Variants in CACNA2D3 observed in about 807,000 individuals in gnomAD.
CACNA2D3 encodes the protein calcium voltage-gated channel auxiliary subunit alpha2delta 3.
A neutral mutation model predicts 160.6 loss-of-function variants in CACNA2D3; 60 were observed. That is an observed-to-expected ratio of 0.37 (90% CI 0.30 to 0.46). The LOEUF (loss-of-function observed/expected upper bound fraction) is 0.46. Among genes scored for constraint, CACNA2D3 ranks in the 20% least tolerant of loss-of-function variants. The pLI is 1.00. For missense variants in CACNA2D3, 1,205 were observed against 1,365.0 expected (o/e 0.88, Z 1.85); for synonymous variants, 558 against 492.9 (o/e 1.13, Z -1.75).
intron 27 of CACNA2D3, among the ~76,000 whole-genome samples, chr3:54,904,002 T>C (rs1161508194): frequency 6.6e-6 from 1 of 152,214 alleles, no homozygotes; most frequent in African/African-American, 2.4e-5. Context: ...TCCCACAGAA[T>C]GGGTAATTTA....
chr3:54,604,840 T>C (rs1464605413), intron 9 of CACNA2D3, among the ~76,000 whole-genome samples: 2 of 152,142 alleles, frequency 1.3e-5, no homozygotes, highest in African/African-American at 4.8e-5. Flanking sequence ...TCAGATCACA[T>C]CCCTTCTGTA....
At chr3:54,664,448 C>T (rs1470798274) in intron 11 of CACNA2D3, among the ~76,000 whole-genome samples, 2 of 152,232 alleles carry the variant, frequency 1.3e-5, no homozygotes, top group South Asian at 4.1e-4. Flanking sequence ...TTGGCAGCTA[C>T]ACAGCAGCTG....
At chr3:54,772,378 T>C (rs1452911880) in intron 13 of CACNA2D3, among the ~76,000 whole-genome samples, 1 of 152,118 alleles carries the variant, frequency 6.6e-6, no homozygotes, top group Non-Finnish European at 1.5e-5. Flanking sequence ...CTATTAATTA[T>C]ACATTGATCC....
At chr3:54,900,298 C>A (rs1380046406) in intron 27 of CACNA2D3, among the ~76,000 whole-genome samples, 1 of 152,152 alleles carries the variant, frequency 6.6e-6, no homozygotes, top group Admixed American at 6.5e-5. Flanking sequence ...GATTTTCATC[C>A]CCCTAATCCC....
At chr3:54,646,164 CTCCCTCCCTCCCTCCCTCCCTCCT>C (rs1699638226) in intron 11 of CACNA2D3, among the ~76,000 whole-genome samples, 1 of 22,348 alleles carries the variant, frequency 4.5e-5, no homozygotes, top group African/African-American at 1.5e-4. Context: ...CCCTCCCTCC[CTCCCTCCCTCCCTCCCTCCCTCCT>C]TCCTTGCTTC....
intron 3 of CACNA2D3, among the ~76,000 whole-genome samples, chr3:54,345,537 A>C (rs1354658488): frequency 2.0e-5 from 3 of 152,182 alleles, no homozygotes; most frequent in African/African-American, 7.2e-5. Context: ...CAAGGCTTTC[A>C]TCAGAGACCT....
chr3:54,162,773 A>G (rs1042105208), intron 2 of CACNA2D3, among the ~76,000 whole-genome samples: 17 of 152,200 alleles, frequency 1.1e-4, no homozygotes, highest in African/African-American at 2.4e-5. Flanking sequence ...GAGCACCTGT[A>G]ATGTGCCAGA....
intron 31 of CACNA2D3, among the ~76,000 whole-genome samples, chr3:55,004,002 A>G (rs970583228): frequency 6.6e-6 from 1 of 152,226 alleles, no homozygotes; most frequent in Non-Finnish European, 1.5e-5. Context: ...GAGTCCGAAC[A>G]CATGCTACCA....
intron 2 of CACNA2D3, among the ~76,000 whole-genome samples, chr3:54,289,339 C>G (rs1703121426): frequency 6.6e-6 from 1 of 152,002 alleles, no homozygotes; most frequent in Non-Finnish European, 1.5e-5. Context: ...ACCTAGGAAT[C>G]CAACTTACAA....
At chr3:54,674,540 G>A (rs1443388282) in intron 11 of CACNA2D3, among the ~76,000 whole-genome samples, 2 of 152,194 alleles carry the variant, frequency 1.3e-5, no homozygotes, top group African/African-American at 4.8e-5. Flanking sequence ...CAACAGGGTT[G>A]TGTGTTTTTC....
chr3:54,557,249 C>T (rs1269274638), intron 5 of CACNA2D3, among the ~76,000 whole-genome samples: 1 of 152,170 alleles, frequency 6.6e-6, no homozygotes, highest in African/African-American at 2.4e-5. Context: ...TCTGTTTCCC[C>T]TTGTTCACCA....
At chr3:54,953,790 G>T (rs138586356) in intron 27 of CACNA2D3, among the ~76,000 whole-genome samples, 1 of 152,094 alleles carries the variant, frequency 6.6e-6, no homozygotes, top group African/African-American at 2.4e-5. Flanking sequence ...GTGGGTGAGG[G>T]GGGTGCACTG....
intron 9 of CACNA2D3, among the ~76,000 whole-genome samples, chr3:54,623,530 CAGA>C (rs985499353): frequency 6.6e-6 from 1 of 152,142 alleles, no homozygotes; most frequent in Non-Finnish European, 1.5e-5. Context: ...GAAGGAAAAT[CAGA>C]AGAAGGGGAC....
chr3:54,291,824 T>G (rs908201088), intron 2 of CACNA2D3, among the ~76,000 whole-genome samples: 9 of 152,146 alleles, frequency 5.9e-5, no homozygotes, highest in Non-Finnish European at 1.5e-5. Context: ...TTACATTGAT[T>G]CACTCATTCA....
chr3:55,033,898 A>T lies in CACNA2D3; in HGVS notation c.2987+15581A>T, dbSNP rs1417173646. 7.7e-4 allele frequency among the ~76,000 whole-genome samples: 104 copies of T among 135,764 alleles called. 2 individuals carry two copies. The highest frequency in any genetic ancestry group is 2.6e-3 in the African/African-American group (94 of 36,434). The allele number at this position is 135,764 out of a possible 152,430, so 89.1% of individuals were successfully genotyped here. On this transcript the variant is annotated intron_variant, in intron 35 of 37. Transcript: ENST00000474759. ...ATATATTACATATTAAGTATATTTA[A>T]TATATAATATAAAAATACATATATA...
intron 35 of CACNA2D3, among the ~76,000 whole-genome samples, chr3:55,054,920 C>T (rs59557280): frequency 3.9e-5 from 6 of 151,924 alleles, no homozygotes; most frequent in Non-Finnish European, 8.8e-5. Flanking sequence ...GATTTTGTTT[C>T]GTTTTTGCCT....
At chr3:54,777,531 A>G (rs964469082) in intron 13 of CACNA2D3, among the ~76,000 whole-genome samples, 3 of 152,180 alleles carry the variant, frequency 2.0e-5, no homozygotes, top group African/African-American at 7.2e-5. Flanking sequence ...TTTTAAATCA[A>G]TTTTCATTAT....
At chr3:54,872,583 G>C (rs1164623202) in intron 18 of CACNA2D3, among the ~76,000 whole-genome samples, 1 of 152,114 alleles carries the variant, frequency 6.6e-6, no homozygotes, top group East Asian at 1.9e-4. Context: ...CAGAACAGGG[G>C]GCCAGCATCA....
At chr3:55,020,100 A>G (rs894425730) in intron 35 of CACNA2D3, among the ~76,000 whole-genome samples, 4 of 152,004 alleles carry the variant, frequency 2.6e-5, no homozygotes, top group Non-Finnish European at 5.9e-5. Context: ...GAATTTTATA[A>G]GAAAATTCAA....
Sources: gnomAD v4.1 joint callset for allele counts (sites outside exome capture counted in the v4.1 genomes callset) on GRCh38, gnomAD v4.1.1 for gene constraint, MANE v1.5 for transcripts, NCBI Gene and HGNC (gene_info 2026-07-23, HGNC 2026-07-21) for gene names.